Variants in PDIA5 observed in about 807,000 individuals in gnomAD.
The protein encoded by PDIA5 is protein disulfide isomerase family A member 5.
In PDIA5, 58 loss-of-function variants were observed where a neutral mutation model predicts 77.6. The ratio of observed to expected loss-of-function variants is 0.75; its 90% CI spans 0.61 to 0.93. The LOEUF is 0.93. Among genes scored for constraint, PDIA5 ranks in the 40% least tolerant of loss-of-function variants. The pLI, the probability that PDIA5 is intolerant of heterozygous loss-of-function variation, is 0.00. For missense variants in PDIA5, 630 were observed against 647.7 expected (o/e 0.97, Z 0.30); for synonymous variants, 250 against 252.1 (o/e 0.99, Z 0.08).
At chr3:123,125,866 C>A (rs918627264) in intron 10 of PDIA5, among the ~76,000 whole-genome samples, 1 of 152,326 alleles carries the variant, frequency 6.6e-6, no homozygotes, top group Admixed American at 6.5e-5. Context: ...TGCCCATTAT[C>A]ATGTGTTCAT....
At chr3:123,139,938 A>T (rs1182114677) in intron 11 of PDIA5, among the ~76,000 whole-genome samples, 1 of 152,180 alleles carries the variant, frequency 6.6e-6, no homozygotes, top group Non-Finnish European at 1.5e-5. Context: ...GGCAGGGAAC[A>T]AGTGAGCAGA....
intron 3 of PDIA5, among the ~76,000 whole-genome samples, chr3:123,096,038 G>A (rs1306531589): frequency 6.6e-6 from 1 of 152,000 alleles, no homozygotes; most frequent in South Asian, 2.1e-4. Context: ...TCTTTCAGGG[G>A]GGTCTTTTTG....
intron 11 of PDIA5, among the ~76,000 whole-genome samples, chr3:123,133,004 G>T (rs1331388096): frequency 6.6e-6 from 1 of 152,166 alleles, no homozygotes; most frequent in Non-Finnish European, 1.5e-5. Context: ...TGTTCCTGTC[G>T]GATGGTAATA....
chr3:123,116,079 C>A, intron 7 of PDIA5, 152 bp from the exon 8 acceptor site: 1 of 690,962 alleles, frequency 1.4e-6, no homozygotes. Flanking sequence ...CCTCCTGTTC[C>A]TTTTGTGTCC....
At chr3:123,126,278 C>T (rs1322941589) in intron 10 of PDIA5, among the ~76,000 whole-genome samples, 1 of 151,718 alleles carries the variant, frequency 6.6e-6, no homozygotes, top group Non-Finnish European at 1.5e-5. Context: ...GGCTGGCCTG[C>T]ACCCCACAGC....
intron 15 of PDIA5, among the ~76,000 whole-genome samples, chr3:123,158,246 G>A (rs2107995979): frequency 6.6e-6 from 1 of 152,344 alleles, no homozygotes; most frequent in East Asian, 1.9e-4. Context: ...CCTTACAATA[G>A]CTTGCTCAAC....
Position 123,092,403 on chromosome 3 carries a change from C to T in PDIA5, c.218C>T (p.Ala73Val), listed in dbSNP as rs61996316. 8,225 of 1,613,660 alleles carry T rather than the reference C, an allele frequency of 5.1e-3. 326 individuals are homozygous for T. In the African/African-American group the frequency reaches 0.093, roughly 18 times the overall value. ...HLRLLSTVAQ[A>V]VKGQGTICWV... Reference sequence around the variant, plus strand: ...AGGTTACTGTCCACAGTGGCCCAGGCGGTGAAAGGACAAGGGACCATCTGC... The same window carrying T: ...AGGTTACTGTCCACAGTGGCCCAGGTGGTGAAAGGACAAGGGACCATCTGC... Residue 73 changes from alanine to valine, a missense_variant, in exon 3 of 17, where the codon GCG becomes GTG. Ala to Val is a moderately conservative substitution (Grantham distance 64, BLOSUM62 0). Coordinates refer to ENST00000316218, the MANE Select transcript of PDIA5 (RefSeq NM_006810.4).
At chr3:123,094,136 G>GGCAGGGAA (rs1385230317) in intron 3 of PDIA5, among the ~76,000 whole-genome samples, 1 of 152,232 alleles carries the variant, frequency 6.6e-6, no homozygotes, top group Non-Finnish European at 1.5e-5. Context: ...TTAAAACTGG[G>GGCAGGGAA]GCAGGGAAGC....
At chr3:123,086,441 C>T (rs1286429797) in intron 1 of PDIA5, among the ~76,000 whole-genome samples, 4 of 152,140 alleles carry the variant, frequency 2.6e-5, no homozygotes, top group Non-Finnish European at 4.4e-5. Flanking sequence ...GCTGAGAAGG[C>T]GTGACTCATA....
chr3:123,093,759 A>G (rs907508149), intron 3 of PDIA5, among the ~76,000 whole-genome samples: 25 of 152,230 alleles, frequency 1.6e-4, no homozygotes, highest in Admixed American at 3.9e-4. Flanking sequence ...GACTATATGC[A>G]TGGAGGGAAA....
chr3:123,161,471 G>T lies in PDIA5; in HGVS notation c.1479+16G>T. ...CGACCGCACAGTAAGTGGGGGAGAG[G>T]CGTCTGCCCAGAGCTCTCTCTCTGC... On this transcript the variant is annotated intron_variant, in intron 16 of 16. Coordinates refer to ENST00000316218, the MANE Select transcript of PDIA5 (RefSeq NM_006810.4). 2 of 1,611,960 alleles carry T rather than the reference G, an allele frequency of 1.2e-6. No homozygotes were observed. Among genetic ancestry groups the T allele is most frequent in the South Asian group, 1.1e-5 (1 of 90,790 alleles).
At chr3:123,141,565 C>T (rs1306169947) in intron 11 of PDIA5, among the ~76,000 whole-genome samples, 1 of 152,210 alleles carries the variant, frequency 6.6e-6, no homozygotes, top group African/African-American at 2.4e-5. Flanking sequence ...GGTGAGCCCC[C>T]TCACTCTGCC....
intron 2 of PDIA5, among the ~76,000 whole-genome samples, chr3:123,090,736 T>C (rs9827310): frequency 0.13 from 19,893 of 151,920 alleles, 1,513 homozygotes; most frequent in Non-Finnish European, 0.18. Flanking sequence ...TGGGGCCCTG[T>C]TGTCAGGCGC....
At position 123,110,912 on chromosome 3, in the gene PDIA5, C is replaced by G. The variant is rs374288912; in HGVS notation, c.481-32C>G. 1.1e-5 allele frequency: 18 copies of G among 1,578,316 alleles called. No homozygotes were observed. The East Asian group carries it at 3.8e-4, about 33-fold the overall frequency. On this transcript the variant is annotated intron_variant, in intron 6 of 16. Transcript: ENST00000316218. ...TCTCATCCTGTTACTGTGTTGTGTGCGAGCTGCTGGTATTCTCTTTTTGTG... is the reference window on the plus strand; with the variant it reads ...TCTCATCCTGTTACTGTGTTGTGTGGGAGCTGCTGGTATTCTCTTTTTGTG...
At chr3:123,068,797 A>T (rs1233311953) in intron 1 of PDIA5, among the ~76,000 whole-genome samples, 2 of 152,350 alleles carry the variant, frequency 1.3e-5, no homozygotes, top group East Asian at 3.9e-4. Context: ...TGGGCAAAGG[A>T]GTCAGTCCTG....
chr3:123,149,299 T>G (rs1463383515), intron 13 of PDIA5, among the ~76,000 whole-genome samples: 1 of 152,172 alleles, frequency 6.6e-6, no homozygotes, highest in Non-Finnish European at 1.5e-5. Context: ...GCCATGGAAA[T>G]CACTGGAGCC....
intron 3 of PDIA5, among the ~76,000 whole-genome samples, chr3:123,099,815 C>T (rs560420482): frequency 6.6e-6 from 1 of 152,396 alleles, no homozygotes; most frequent in Admixed American, 6.5e-5. Flanking sequence ...AACCAAGCCC[C>T]TGTTTCCTCC....
chr3:123,148,903 A>G (rs1935825251), intron 13 of PDIA5, among the ~76,000 whole-genome samples: 1 of 152,224 alleles, frequency 6.6e-6, no homozygotes, highest in Non-Finnish European at 1.5e-5. Context: ...GCGAGCAGAC[A>G]GCGCCAGAAA....
chr3:123,146,365 G>A, intron 13 of PDIA5, 106 bp downstream of exon 13: 1 of 920,918 alleles, frequency 1.1e-6, no homozygotes, highest in Non-Finnish European at 1.7e-6. Context: ...CTGGGCTCAT[G>A]CCCGTAGGAG....
Sources: allele counts gnomAD v4.1 joint callset (sites outside exome capture counted in the v4.1 genomes callset), GRCh38; gene constraint gnomAD v4.1.1; transcripts MANE v1.5; gene names NCBI Gene and HGNC (gene_info 2026-07-23, HGNC 2026-07-21).